FURIN: variants seen among roughly 807,000 people sequenced by gnomAD.
FURIN encodes FES upstream region.
A neutral mutation model predicts 89.2 loss-of-function variants in FURIN; 18 were observed. The observed-to-expected ratio is 0.20, with a 90% CI of 0.14 to 0.30. The LOEUF is 0.30. Among genes scored for constraint, FURIN ranks in the 10% least tolerant of loss-of-function variants. The probability of loss-of-function intolerance (pLI) is 1.00; values close to 1 mark genes in which losing one functional copy is unlikely to be tolerated. For missense variants in FURIN, 879 were observed against 1,100.5 expected, an observed-to-expected ratio of 0.80 and a Z score of 2.85; for synonymous variants, 508 against 466.4, an observed-to-expected ratio of 1.09 and a Z score of -1.15.
chr15:90,869,287 T>C (rs572726960), intron 1 of FURIN, among the ~76,000 whole-genome samples: 1 of 152,210 alleles, frequency 6.6e-6, no homozygotes, highest in South Asian at 2.1e-4. Flanking sequence ...CTTGGGCCCC[T>C]AGGGCCCCAG....
rs1472474078 is a variant in FURIN, at chr15:90,877,214, A to G, written c.578+3A>G. 1.2e-6 allele frequency: 2 copies of G among 1,600,938 alleles called. No homozygotes were observed. Among genetic ancestry groups the G allele is most frequent in the Middle Eastern group, 1.7e-4 (1 of 5,982 alleles). On this transcript the variant is annotated splice_donor_region_variant and intron_variant, in intron 6 of 15. Transcript: ENST00000268171. Reference sequence around the variant, plus strand: ...TACACACAGATGAATGACAACAGGTAAGAAGTGGCAGGCCCCGGTCTCTGC... The same window carrying G: ...TACACACAGATGAATGACAACAGGTGAGAAGTGGCAGGCCCCGGTCTCTGC...
In FURIN at chr15:90,876,614, A is replaced by C; in HGVS notation, c.372+57A>C. 1 of 1,140,374 alleles carries C rather than the reference A, an allele frequency of 8.8e-7. No individual in the cohort carries two copies. The highest frequency in any genetic ancestry group is 1.3e-6 in the Non-Finnish European group (1 of 754,386). 70.6% of individuals were successfully genotyped at this position (1,140,374 alleles called of 1,614,324 possible). On this transcript the variant is annotated intron_variant, in intron 4 of 15. Transcript: ENST00000268171. This position sits in a 1 kb window ranked among gnomAD's most constrained non-coding sequence, Gnocchi z 5.0. Reference sequence around the variant, plus strand: ...TCCCCAGATGCACCATCCACCCACTATGAGCTCTTGGATGGAGGAGGCTGT... The same window carrying C: ...TCCCCAGATGCACCATCCACCCACTCTGAGCTCTTGGATGGAGGAGGCTGT...
intron 1 of FURIN, among the ~76,000 whole-genome samples, chr15:90,869,011 G>A (rs1005399110): frequency 1.4e-4 from 21 of 152,210 alleles, no homozygotes; most frequent in Non-Finnish European, 2.8e-4. Flanking sequence ...ACCCCAAGGA[G>A]ACAACAGGAG....
chr15:90,873,193 C>T, intron 1 of FURIN: 1 of 152,332 alleles, frequency 6.6e-6, no homozygotes. Context: ...GTCCCACATG[C>T]TGTGGCAGAG....
intron 1 of FURIN, among the ~76,000 whole-genome samples, chr15:90,875,029 CTTTTT>C (rs11343964): frequency 9.9e-6 from 1 of 101,274 alleles, no homozygotes; most frequent in South Asian, 3.0e-4. Context: ...TTCTGTTACA[CTTTTT>C]TTTTTTTTTT....
chr15:90,875,849 C>G lies in FURIN; in HGVS notation c.109C>G (p.Arg37Gly). The change falls in exon 2 of 16, where the codon CGC becomes GGC. Residue 37 changes from arginine to glycine, a missense_variant. Around this residue, in one of 5 missense-constraint regions of FURIN, gnomAD observed 125 missense variants for 125.0 expected, o/e 1.00. Transcript: ENST00000268171. ...QKVFTNTWAVRIPGGPAVANS... is the reference protein window; with the variant it reads ...QKVFTNTWAVGIPGGPAVANS... ...GGTCTTCACCAACACGTGGGCTGTG[C>G]GCATCCCTGGAGGCCCAGCGGTGGC... is the stretch of plus-strand genomic sequence containing the variant. 4 of 1,581,172 alleles carry G rather than the reference C, an allele frequency of 2.5e-6. No individual in the cohort carries two copies. Among genetic ancestry groups the G allele is most frequent in the Non-Finnish European group, 3.4e-6 (4 of 1,164,056 alleles).
chr15:90,872,077 G>A (rs1049503517), intron 1 of FURIN, among the ~76,000 whole-genome samples: 5 of 151,334 alleles, frequency 3.3e-5, no homozygotes, highest in African/African-American at 9.7e-5. Context: ...CGCCCACTCC[G>A]CGGCCGAGGA....
intron 1 of FURIN, among the ~76,000 whole-genome samples, chr15:90,872,666 A>T (rs1249683394): frequency 6.6e-6 from 1 of 152,240 alleles, no homozygotes; most frequent in Non-Finnish European, 1.5e-5. Flanking sequence ...CCACCAAGGA[A>T]ACTGAGGCCC....
rs1014840561 is a variant in FURIN, at chr15:90,876,149, C to G, written c.178-106C>G. On this transcript the variant is annotated intron_variant, in intron 2 of 15. Transcript: ENST00000268171. The surrounding 1 kb of genome is among the most constrained non-coding windows in gnomAD (Gnocchi z 5.0). ...CGGACAGGGAGCAGATGCCCCGCAC[C>G]CCCGACCGTGGCGAGCCTCCCATGA... 2 of 859,542 alleles carry G rather than the reference C, an allele frequency of 2.3e-6. No individual in the cohort carries two copies. Among genetic ancestry groups the G allele is most frequent in the Admixed American group, 3.5e-5 (2 of 56,724 alleles). 53.2% of individuals were successfully genotyped at this position (859,542 alleles called of 1,614,324 possible).
At chr15:90,868,853 C>G (rs1463017211) in intron 1 of FURIN, 142 bp downstream of exon 1, 1 of 152,214 alleles carries the variant, frequency 6.6e-6, no homozygotes, top group East Asian at 1.9e-4. Flanking sequence ...TCGGAGAGAA[C>G]ACCAATGGAA....
Position 90,881,207 on chromosome 15 carries a change from C to G in FURIN, c.1793-79C>G. The stretch of plus-strand genomic sequence containing the variant: ...CTGGAGGATCCTGGGGATGTGGTGA[C>G]TTGGCTTGGGGCTGCTGTGGTCCTG... On this transcript the variant is annotated intron_variant, in intron 15 of 15. Coordinates refer to ENST00000268171, the MANE Select transcript of FURIN (RefSeq NM_002569.4). The surrounding 1 kb of genome is among the most constrained non-coding windows in gnomAD (Gnocchi z 4.3). 2.4e-6 allele frequency: 3 copies of G among 1,259,580 alleles called. No homozygotes were observed. Among genetic ancestry groups the G allele is most frequent in the Non-Finnish European group, 3.4e-6 (3 of 889,570 alleles). The allele number at this position is 1,259,580 out of a possible 1,614,324, so 78.0% of individuals were successfully genotyped here.
chr15:90,880,041 T>C, intron 12 of FURIN, 53 bp from the exon 13 acceptor site: 1 of 1,602,642 alleles, frequency 6.2e-7, no homozygotes, highest in African/African-American at 1.3e-5. Flanking sequence ...TCGCAGGGGG[T>C]GCCCGCTGGT....
In FURIN at chr15:90,880,765, C is replaced by G. The variant is rs759187233; in HGVS notation, c.1631C>G (p.Ser544Cys). The G allele has an allele frequency of 3.7e-6, 6 of 1,613,912 alleles. No homozygotes were observed. Among genetic ancestry groups the G allele is most frequent in the Non-Finnish European group, 3.4e-6 (4 of 1,179,924 alleles). The change falls in exon 14 of 16, where the codon TCT (serine) becomes TGT (cysteine). Residue 544 changes from serine to cysteine, a missense_variant. Coordinates refer to ENST00000268171, the MANE Select transcript of FURIN (RefSeq NM_002569.4). ...ACTCATTCCTGGGATGAGGATCCCT[C>G]TGGCGAGTGGGTCCTAGAGATTGAA... Reference protein sequence around the residue: ...MTTHSWDEDPSGEWVLEIENT... With the variant: ...MTTHSWDEDPCGEWVLEIENT...
Position 90,882,890 on chromosome 15 carries a change from G to A in FURIN, c.*1012G>A. 1 of 152,752 alleles carries A rather than the reference G, an allele frequency of 6.5e-6. No individual in the cohort carries two copies. The highest frequency in any genetic ancestry group is 1.9e-4 in the East Asian group (1 of 5,196). 9.5% of individuals were successfully genotyped at this position (152,752 alleles called of 1,614,324 possible). A position where few individuals can be genotyped will look rare whatever the true frequency, so the allele number is the denominator to read the frequency against. On this transcript the variant is annotated 3_prime_UTR_variant, in exon 16 of 16. Coordinates refer to ENST00000268171, the MANE Select transcript of FURIN (RefSeq NM_002569.4). ...CCTGGCTGCCCTGGCCCTGAGGTGTGGGGGCTGCAGCATGTTGCTGAGGAG... is the reference window on the plus strand; with the variant it reads ...CCTGGCTGCCCTGGCCCTGAGGTGTAGGGGCTGCAGCATGTTGCTGAGGAG...
At position 90,876,880 on chromosome 15, in the gene FURIN, G is replaced by A; in HGVS notation, c.373-16G>A. The A allele has an allele frequency of 6.2e-7, 1 of 1,613,664 alleles. No individual in the cohort carries two copies. The highest frequency in any genetic ancestry group is 1.1e-5 in the South Asian group (1 of 91,072). ...CCAATCATGTCTCATAAGTGATGGG[G>A]TGGGTGTCTCCACAGTCTGGTGTCA... On this transcript the variant is annotated splice_polypyrimidine_tract_variant and intron_variant, in intron 4 of 15. Coordinates refer to ENST00000268171, the MANE Select transcript of FURIN (RefSeq NM_002569.4). This position sits in a 1 kb window ranked among gnomAD's most constrained non-coding sequence, Gnocchi z 5.0.
At position 90,877,517 on chromosome 15, in the gene FURIN, G is replaced by T; in HGVS notation, c.579-10G>T. On this transcript the variant is annotated splice_polypyrimidine_tract_variant and intron_variant, in intron 6 of 15. Coordinates refer to ENST00000268171, the MANE Select transcript of FURIN (RefSeq NM_002569.4). The stretch of plus-strand genomic sequence containing the variant: ...TTGTTCTACTCATGCTACGTGCTTG[G>T]CCCTGGCAGGCACGGCACACGGTGT... 3 of 1,561,082 alleles carry T rather than the reference G, an allele frequency of 1.9e-6. No homozygotes were observed. Among genetic ancestry groups the T allele is most frequent in the Non-Finnish European group, 2.6e-6 (3 of 1,152,044 alleles).
intron 1 of FURIN, among the ~76,000 whole-genome samples, chr15:90,871,169 G>A (rs2031267040): frequency 6.6e-6 from 1 of 152,130 alleles, no homozygotes; most frequent in Non-Finnish European, 1.5e-5. Flanking sequence ...CAAATTCGTC[G>A]CCCAGGAGTG....
Position 90,875,588 on chromosome 15 carries a change from C to T in FURIN, c.-153C>T. ...CCCCTCTTGTTCCTCTCAGGGTCGG[C>T]ACTCTTCACCCTCCCGAGCCCTGCC... On this transcript the variant is annotated 5_prime_UTR_variant, in exon 2 of 16. Coordinates refer to ENST00000268171, the MANE Select transcript of FURIN (RefSeq NM_002569.4). 1 of 607,136 alleles carries T rather than the reference C, an allele frequency of 1.6e-6. No homozygotes were observed. The highest frequency in any genetic ancestry group is 2.8e-6 in the Non-Finnish European group (1 of 355,168). The allele number at this position is 607,136 out of a possible 1,614,324, so 37.6% of individuals were successfully genotyped here.
chr15:90,874,810 G>C (rs889547938), intron 1 of FURIN, among the ~76,000 whole-genome samples: 1 of 152,052 alleles, frequency 6.6e-6, no homozygotes, highest in Admixed American at 6.6e-5. Flanking sequence ...GAGAACCACC[G>C]TTAACATTTT....
Sources: allele counts gnomAD v4.1 joint callset (sites outside exome capture counted in the v4.1 genomes callset), GRCh38; gene constraint gnomAD v4.1.1; regional missense constraint gnomAD v4.1.1; non-coding constraint Gnocchi (gnomAD v3.1); transcripts MANE v1.5; gene names NCBI Gene and HGNC (gene_info 2026-07-23, HGNC 2026-07-21).